The following CUL1 variants were observed in gnomAD, a reference collection of about 807,000 sequenced individuals.
The protein encoded by CUL1 is cullin 1.
CUL1 carries 24 observed loss-of-function variants against 118.0 expected under a neutral mutation model. That is an observed-to-expected ratio of 0.20 (90% CI 0.15 to 0.29). CUL1 has a LOEUF of 0.29. Ranked by LOEUF, CUL1 falls within the 10% of genes least tolerant of loss-of-function variation. The pLI is 1.00. For synonymous variants in CUL1, 332 were observed against 340.4 expected, an observed-to-expected ratio of 0.98 and a Z score of 0.27; for missense variants, 361 against 933.8, an observed-to-expected ratio of 0.39 and a Z score of 7.99.
At chr7:148,734,560 T>C (rs1798876907) in intron 2 of CUL1, among the ~76,000 whole-genome samples, 1 of 152,206 alleles carries the variant, frequency 6.6e-6, no homozygotes, top group South Asian at 2.1e-4. Flanking sequence ...TCTTGTGCAA[T>C]AAAATACATA....
At chr7:148,703,171 T>G (rs1797771844) in intron 1 of CUL1, among the ~76,000 whole-genome samples, 1 of 152,190 alleles carries the variant, frequency 6.6e-6, no homozygotes, top group South Asian at 2.1e-4. Context: ...ATGAAAATGC[T>G]TTAAGGACTG....
chr7:148,772,108 A>G (rs373508353), intron 9 of CUL1, among the ~76,000 whole-genome samples: 15 of 152,212 alleles, frequency 9.9e-5, no homozygotes, highest in African/African-American at 3.6e-4. Flanking sequence ...CTCATCGTAC[A>G]TTGAAAATAC....
chr7:148,798,641 C>T lies in CUL1; in HGVS notation c.2100C>T (p.His700=), dbSNP rs137977833. ...TEQKQEQETT[H]KNIEEDRKLL... ...AGAAGCAGGAACAAGAAACCACACA[C>T]AAAAACATCGAGGAAGACCGCAAAC... is the stretch of plus-strand genomic sequence containing the variant. Residue 700 remains histidine (H), a synonymous_variant, in exon 20 of 22, where the codon CAC becomes CAT. Coordinates refer to ENST00000325222, the MANE Select transcript of CUL1 (RefSeq NM_003592.3). 3.4e-5 allele frequency: 55 copies of T among 1,613,984 alleles called. No individual in the cohort carries two copies. Among genetic ancestry groups the T allele is most frequent in the Non-Finnish European group, 4.3e-5 (51 of 1,180,014 alleles).
intron 12 of CUL1, 60 bp from the exon 13 acceptor site, chr7:148,786,929 C>A: frequency 6.3e-7 from 1 of 1,580,452 alleles, no homozygotes; most frequent in Non-Finnish European, 8.6e-7. Flanking sequence ...TGACAGTCAG[C>A]TCTGCACTGT....
intron 9 of CUL1, among the ~76,000 whole-genome samples, chr7:148,782,056 A>G (rs1800658078): frequency 6.6e-6 from 1 of 152,156 alleles, no homozygotes; most frequent in Admixed American, 6.5e-5. Flanking sequence ...CGTTTCTAGC[A>G]TTTTCCAGTG....
At chr7:148,739,967 A>G (rs1301805302) in intron 2 of CUL1, among the ~76,000 whole-genome samples, 1 of 152,134 alleles carries the variant, frequency 6.6e-6, no homozygotes, top group African/African-American at 2.4e-5. Flanking sequence ...TCATTTGTTG[A>G]AAAAAACTTT....
chr7:148,774,605 A>C (rs1434035410), intron 9 of CUL1, among the ~76,000 whole-genome samples: 4 of 152,242 alleles, frequency 2.6e-5, no homozygotes, highest in African/African-American at 9.7e-5. Flanking sequence ...AGGCTATAAG[A>C]GAATATCTCC....
chr7:148,755,490 TTGGCTGGCCATAAGTTGTGAC>T (rs1483214820), intron 3 of CUL1, among the ~76,000 whole-genome samples: 1 of 152,272 alleles, frequency 6.6e-6, no homozygotes, highest in Non-Finnish European at 1.5e-5. Context: ...CTGTATGTAG[TTGGCTGGCCATAAGTTGTGAC>T]TAGTGTATTA....
At chr7:148,753,798 G>T (rs1799570036) in intron 2 of CUL1, among the ~76,000 whole-genome samples, 178 bp from the exon 3 acceptor site, 1 of 152,172 alleles carries the variant, frequency 6.6e-6, no homozygotes, top group Non-Finnish European at 1.5e-5. Context: ...TGTGAATGGG[G>T]CTTGTTGACT....
At chr7:148,747,849 G>A (rs1033946696) in intron 2 of CUL1, among the ~76,000 whole-genome samples, 3 of 152,178 alleles carry the variant, frequency 2.0e-5, no homozygotes, top group Non-Finnish European at 4.4e-5. Flanking sequence ...AAATTAGAAA[G>A]TTTGAACAAA....
At chr7:148,754,615 C>T (rs1349329047) in intron 3 of CUL1, among the ~76,000 whole-genome samples, 1 of 152,166 alleles carries the variant, frequency 6.6e-6, no homozygotes, top group Non-Finnish European at 1.5e-5. Context: ...AAATTATCTG[C>T]ATTTTACTGT....
At chr7:148,756,899 A>G in intron 3 of CUL1, 84 bp from the exon 4 acceptor site, 3 of 910,024 alleles carry the variant, frequency 3.3e-6, no homozygotes, top group Non-Finnish European at 4.7e-6. Flanking sequence ...ATGTATTTTA[A>G]TACAGTAGAT....
chr7:148,758,160 A>C (rs1296218914), intron 4 of CUL1, among the ~76,000 whole-genome samples: 3 of 152,206 alleles, frequency 2.0e-5, no homozygotes, highest in Non-Finnish European at 2.9e-5. Flanking sequence ...ATTCTGATGC[A>C]TGCTCCAGTT....
At chr7:148,706,877 GCTGT>G (rs917404821) in intron 1 of CUL1, among the ~76,000 whole-genome samples, 2 of 152,108 alleles carry the variant, frequency 1.3e-5, no homozygotes, top group Non-Finnish European at 2.9e-5. Flanking sequence ...CCAATATTTG[GCTGT>G]CTGTGTTCTG....
chr7:148,726,347 ATTGT>A (rs1344298591), intron 1 of CUL1, among the ~76,000 whole-genome samples: 1 of 152,032 alleles, frequency 6.6e-6, no homozygotes, highest in Middle Eastern at 3.2e-3. Context: ...AATTGTCCTG[ATTGT>A]TGCACAGTTT....
rs1435327636 is a variant in CUL1, at chr7:148,730,108, A to G, written c.-15A>G. ...AAGGATTGCTGCACTGGACGACTTT[A>G]GAACATCCCTCACAATGTCGTCAAC... is the stretch of plus-strand genomic sequence containing the variant. On this transcript the variant is annotated 5_prime_UTR_variant, in exon 2 of 22. Transcript: ENST00000325222. 4.3e-6 allele frequency: 7 copies of G among 1,610,992 alleles called. No homozygotes were observed. Among genetic ancestry groups the G allele is most frequent in the African/African-American group, 4.0e-5 (3 of 74,818 alleles).
rs764569785 is a variant in CUL1 at position 148,786,615 on chromosome 7, G to A, written c.1347+16G>A. 1.9e-6 allele frequency: 3 copies of A among 1,608,972 alleles called. No individual in the cohort carries two copies. The highest frequency in any genetic ancestry group is 1.7e-4 in the Middle Eastern group (1 of 6,048). ...CAATCAAGTGGTAAGTGCTTCATGA[G>A]CATACCCATTTCCAGTAGCTGTGTA... is the stretch of plus-strand genomic sequence containing the variant. On this transcript the variant is annotated intron_variant, in intron 12 of 21. Coordinates refer to ENST00000325222, the MANE Select transcript of CUL1 (RefSeq NM_003592.3).
At chr7:148,756,018 CAGTACCATTA>C (rs1799644275) in intron 3 of CUL1, among the ~76,000 whole-genome samples, 1 of 152,186 alleles carries the variant, frequency 6.6e-6, no homozygotes, top group Non-Finnish European at 1.5e-5. Context: ...TGCTGCCATA[CAGTACCATTA>C]ACGTTTTTAA....
chr7:148,786,898 T>G (rs927359163), intron 12 of CUL1, 91 bp from the exon 13 acceptor site: 19 of 1,515,190 alleles, frequency 1.3e-5, no homozygotes, highest in Non-Finnish European at 1.7e-5. Flanking sequence ...AGGCACATCT[T>G]GGCTCCTGGC....
Sources: gnomAD v4.1 joint callset for allele counts (sites outside exome capture counted in the v4.1 genomes callset) on GRCh38, gnomAD v4.1.1 for gene constraint, MANE v1.5 for transcripts, NCBI Gene and HGNC (gene_info 2026-07-23, HGNC 2026-07-21) for gene names.